The following PPP1R12A variants were observed in gnomAD, a reference collection of about 807,000 sequenced individuals.
The protein encoded by PPP1R12A is protein phosphatase 1 regulatory subunit 12A.
PPP1R12A carries 19 observed loss-of-function variants against 139.6 expected under a neutral mutation model. That is an observed-to-expected ratio of 0.14 (90% CI 0.09 to 0.20). The LOEUF is 0.20. PPP1R12A is among the 10% of genes least tolerant of loss of function. The pLI, the probability that PPP1R12A is intolerant of heterozygous loss-of-function variation, is 1.00. For synonymous variants in PPP1R12A, 427 were observed against 420.6 expected, an observed-to-expected ratio of 1.02 and a Z score of -0.19; for missense variants, 925 against 1,211.5, an observed-to-expected ratio of 0.76 and a Z score of 3.51.
At chr12:79,852,574 G>A (rs1233242969) in intron 2 of PPP1R12A, among the ~76,000 whole-genome samples, 1 of 152,070 alleles carries the variant, frequency 6.6e-6, no homozygotes, top group African/African-American at 2.4e-5. Flanking sequence ...GTGTTAGTTG[G>A]CTTTGTTTGA....
chr12:79,782,361 G>C (rs926891463), intron 22 of PPP1R12A: 1 of 244,134 alleles, frequency 4.1e-6, no homozygotes, highest in Non-Finnish European at 8.3e-6. Flanking sequence ...TCACACTCTA[G>C]GTTTCTTTTC....
rs1888562333 is a variant in PPP1R12A at position 79,935,029 on chromosome 12, A to C, written c.-98T>G. 3.4e-6 allele frequency: 5 copies of C among 1,451,414 alleles called. No homozygotes were observed. 89.9% of individuals were successfully genotyped at this position (1,451,414 alleles called of 1,614,324 possible). A position where few individuals can be genotyped will look rare whatever the true frequency, so the allele number is the denominator to read the frequency against. On this transcript the variant is annotated 5_prime_UTR_variant, in exon 1 of 25. Coordinates refer to ENST00000450142, the MANE Select transcript of PPP1R12A (RefSeq NM_002480.3). ...CAGGGGGTGTGTGAATGTTTCTATG[A>C]GTGCGGGCCAGAGGAGGGCTGGGAA...
chr12:79,817,737 A>T (rs572855662), intron 8 of PPP1R12A, among the ~76,000 whole-genome samples: 2 of 152,326 alleles, frequency 1.3e-5, no homozygotes, highest in Admixed American at 1.3e-4. Context: ...GATACACAAC[A>T]AAGCTTCTGA....
intron 3 of PPP1R12A, among the ~76,000 whole-genome samples, chr12:79,838,964 C>T (rs996695297): frequency 6.6e-6 from 1 of 152,208 alleles, no homozygotes; most frequent in Non-Finnish European, 1.5e-5. Flanking sequence ...ATGACAGATC[C>T]ACTGACACCT....
At chr12:79,821,751 C>CAAAA (rs1290815438) in intron 6 of PPP1R12A, among the ~76,000 whole-genome samples, 3 of 107,330 alleles carry the variant, frequency 2.8e-5, no homozygotes, top group African/African-American at 6.9e-5. Context: ...ACCCCATCTC[C>CAAAA]AAAAAAAAAA....
chr12:79,833,267 CA>C (rs1174586614), intron 3 of PPP1R12A, among the ~76,000 whole-genome samples: 6 of 150,852 alleles, frequency 4.0e-5, no homozygotes, highest in South Asian at 2.1e-4. Context: ...CACCCTGTCT[CA>C]AAAAACAAAA....
intron 17 of PPP1R12A, 38 bp from the exon 18 acceptor site, chr12:79,795,797 A>G: frequency 6.3e-7 from 1 of 1,586,824 alleles, no homozygotes. Flanking sequence ...ATAGCAATAT[A>G]TCTTGACAAT....
chr12:79,826,337 GTTTTTTTTTTTT>G (rs34658905), intron 5 of PPP1R12A, among the ~76,000 whole-genome samples: 2 of 117,194 alleles, frequency 1.7e-5, no homozygotes, highest in Non-Finnish European at 3.5e-5. Flanking sequence ...ATTGTTTCGG[GTTTTTTTTTTTT>G]TTTTTTTTTT....
intron 1 of PPP1R12A, among the ~76,000 whole-genome samples, chr12:79,885,868 T>C (rs1000320265): frequency 3.9e-5 from 6 of 152,166 alleles, no homozygotes; most frequent in Non-Finnish European, 7.3e-5. Context: ...CTTTTTTGTT[T>C]GTTTTTTGTT....
At chr12:79,782,632 CA>C (rs1565735565) in intron 22 of PPP1R12A, 2 of 413,070 alleles carry the variant, frequency 4.8e-6, no homozygotes, top group Admixed American at 3.0e-5. Flanking sequence ...AAGAACAAAA[CA>C]AAAAAAGAAA....
intron 22 of PPP1R12A, among the ~76,000 whole-genome samples, chr12:79,783,746 T>C (rs748362328): frequency 2.0e-5 from 3 of 152,178 alleles, no homozygotes; most frequent in Non-Finnish European, 4.4e-5. Flanking sequence ...GATTTTTTCA[T>C]ATGGGAAGAT....
At chr12:79,823,120 G>A (rs1876330005) in intron 5 of PPP1R12A, among the ~76,000 whole-genome samples, 1 of 152,074 alleles carries the variant, frequency 6.6e-6, no homozygotes, top group Non-Finnish European at 1.5e-5. Flanking sequence ...CACTGTGAAA[G>A]AGAAAAATTT....
intron 1 of PPP1R12A, among the ~76,000 whole-genome samples, chr12:79,913,274 G>A (rs550204671): frequency 3.3e-5 from 5 of 152,220 alleles, no homozygotes; most frequent in South Asian, 2.1e-4. Flanking sequence ...TTCCCTACCC[G>A]AAGGTTATGA....
At chr12:79,903,178 G>A (rs141424472) in intron 1 of PPP1R12A, among the ~76,000 whole-genome samples, 357 of 152,190 alleles carry the variant, frequency 2.3e-3, no homozygotes, top group Middle Eastern at 0.01. Flanking sequence ...TAGGCCGGGC[G>A]TGGTGGCTCA....
At chr12:79,872,507 C>T (rs1051654452) in intron 2 of PPP1R12A, among the ~76,000 whole-genome samples, 1 of 151,948 alleles carries the variant, frequency 6.6e-6, no homozygotes, top group Non-Finnish European at 1.5e-5. Flanking sequence ...TAAGTATTAA[C>T]CCTCAATCAT....
At chr12:79,895,366 T>G (rs1885040053) in intron 1 of PPP1R12A, among the ~76,000 whole-genome samples, 1 of 152,190 alleles carries the variant, frequency 6.6e-6, no homozygotes, top group African/African-American at 2.4e-5. Flanking sequence ...AGAAAGATTA[T>G]ATGCTAATAC....
intron 2 of PPP1R12A, among the ~76,000 whole-genome samples, chr12:79,857,908 TC>T: frequency 6.6e-6 from 1 of 152,276 alleles, no homozygotes; most frequent in East Asian, 1.9e-4. Context: ...CAGTGAACAT[TC>T]CCATAAATTT....
intron 1 of PPP1R12A, among the ~76,000 whole-genome samples, chr12:79,932,829 TC>T (rs1317350840): frequency 6.6e-6 from 1 of 152,162 alleles, no homozygotes; most frequent in Non-Finnish European, 1.5e-5. Flanking sequence ...CTTTTCGTCT[TC>T]CTCTAAGCCA....
At chr12:79,895,152 G>C (rs1293336840) in intron 1 of PPP1R12A, among the ~76,000 whole-genome samples, 1 of 152,030 alleles carries the variant, frequency 6.6e-6, no homozygotes, top group Non-Finnish European at 1.5e-5. Context: ...AGTTTATTAA[G>C]AAATTATGCC....
Sources: allele counts gnomAD v4.1 joint callset (sites outside exome capture counted in the v4.1 genomes callset), GRCh38; gene constraint gnomAD v4.1.1; transcripts MANE v1.5; gene names NCBI Gene and HGNC (gene_info 2026-07-23, HGNC 2026-07-21).